DMXL2: variants seen among roughly 807,000 people sequenced by gnomAD.
DMXL2 encodes the protein Dmx like 2.
In DMXL2, 103 loss-of-function variants were observed where a neutral mutation model predicts 331.1. That is an observed-to-expected ratio of 0.31 (90% CI 0.27 to 0.37). DMXL2 has a LOEUF of 0.37. Ranked by LOEUF, DMXL2 falls within the 10% of genes least tolerant of loss-of-function variation. The pLI, the probability that DMXL2 is intolerant of heterozygous loss-of-function variation, is 1.00. For synonymous variants in DMXL2, 1,281 were observed against 1,252.1 expected, an observed-to-expected ratio of 1.02 and a Z score of -0.49; for missense variants, 3,171 against 3,642.9, an observed-to-expected ratio of 0.87 and a Z score of 3.33.
At chr15:51,550,079 T>C (rs572810629) in intron 6 of DMXL2, among the ~76,000 whole-genome samples, 5 of 152,294 alleles carry the variant, frequency 3.3e-5, no homozygotes, top group African/African-American at 9.6e-5. Flanking sequence ...TTGTCTACCA[T>C]GATCAAGTAA....
chr15:51,612,481 G>T (rs757822952), intron 1 of DMXL2, among the ~76,000 whole-genome samples: 12 of 152,128 alleles, frequency 7.9e-5, no homozygotes, highest in South Asian at 2.1e-4. Flanking sequence ...GTACAAAAGA[G>T]AAATTTTAAA....
chr15:51,506,450 CTTTTTTTTTTT>C (rs531570148), intron 16 of DMXL2, among the ~76,000 whole-genome samples: 9 of 121,956 alleles, frequency 7.4e-5, no homozygotes, highest in Non-Finnish European at 1.5e-4. Context: ...AGCAATTCTG[CTTTTTTTTTTT>C]TTTTTTTTTT....
chr15:51,605,195 AC>A (rs1382658435), intron 1 of DMXL2, among the ~76,000 whole-genome samples: 2 of 152,118 alleles, frequency 1.3e-5, no homozygotes, highest in African/African-American at 4.8e-5. Flanking sequence ...GGGGAAAAAA[AC>A]ATATAAATAT....
chr15:51,566,660 A>G (rs907788832), intron 3 of DMXL2, among the ~76,000 whole-genome samples: 4 of 152,160 alleles, frequency 2.6e-5, no homozygotes, highest in African/African-American at 9.7e-5. Context: ...GTTTTGGGGG[A>G]ATGTAAAAAG....
intron 18 of DMXL2, among the ~76,000 whole-genome samples, chr15:51,498,030 C>T (rs941346964): frequency 1.3e-5 from 2 of 152,054 alleles, no homozygotes; most frequent in Admixed American, 1.3e-4. Flanking sequence ...CTCAGGAATT[C>T]GAGACTAGCT....
At chr15:51,542,284 A>T (rs778084121) in intron 9 of DMXL2, 49 bp downstream of exon 9, 1 of 1,550,396 alleles carries the variant, frequency 6.4e-7, no homozygotes, top group Non-Finnish European at 8.8e-7. Flanking sequence ...TTTTCTATTT[A>T]TTTACCTGAC....
chr15:51,530,400 C>A (rs1423697202), intron 13 of DMXL2, among the ~76,000 whole-genome samples: 4 of 152,080 alleles, frequency 2.6e-5, no homozygotes, highest in African/African-American at 7.2e-5. Context: ...AATCAACATA[C>A]AAATACCAGT....
chr15:51,491,664 C>T lies in DMXL2; in HGVS notation c.4867G>A (p.Gly1623Arg), dbSNP rs1567022147. Residue 1623 changes from glycine to arginine, a missense_variant, in exon 20 of 44, where the codon GGG becomes AGG. By Grantham distance (125) the Gly-to-Arg change is moderately radical. Around this residue, in one of 7 missense-constraint regions of DMXL2, gnomAD observed 252 missense variants for 387.4 expected, o/e 0.65. Coordinates refer to ENST00000560891, the MANE Select transcript of DMXL2 (RefSeq NM_001378457.1). ...CTTAATTCAGACCACTGGGGGTCCC[C>T]TCTCTGAATTGCTGGAATCATATTA... Reference protein sequence around the residue: ...LINMIPAIQRGDPQWSELRAM... With the variant: ...LINMIPAIQRRDPQWSELRAM... 6.2e-7 allele frequency: 1 copy of T among 1,613,700 alleles called. No homozygotes were observed. The highest frequency in any genetic ancestry group is 2.2e-5 in the East Asian group (1 of 44,852).
chr15:51,532,398 T>G (rs1202378569), intron 13 of DMXL2, among the ~76,000 whole-genome samples: 1 of 152,110 alleles, frequency 6.6e-6, no homozygotes, highest in Non-Finnish European at 1.5e-5. Context: ...CGTAAGGGAT[T>G]GGCAGGGAGG....
chr15:51,535,518 A>C (rs1480812094), intron 13 of DMXL2, 145 bp downstream of exon 13: 1 of 621,258 alleles, frequency 1.6e-6, no homozygotes, highest in Non-Finnish European at 2.5e-6. Context: ...TTAGGAAAAA[A>C]TAAATGTGTC....
chr15:51,603,253 G>C (rs1193672641), intron 1 of DMXL2, among the ~76,000 whole-genome samples: 3 of 152,026 alleles, frequency 2.0e-5, no homozygotes, highest in African/African-American at 7.2e-5. Flanking sequence ...CCAATATCAA[G>C]AATAAAAGAG....
intron 1 of DMXL2, among the ~76,000 whole-genome samples, chr15:51,583,386 T>C (rs1423776484): frequency 1.2e-5 from 1 of 80,936 alleles, no homozygotes; most frequent in African/African-American, 4.6e-5. Flanking sequence ...GTTTGGTTTT[T>C]TGTTCTTGCG....
At chr15:51,512,535 G>T (rs2046817188) in intron 15 of DMXL2, among the ~76,000 whole-genome samples, 1 of 152,196 alleles carries the variant, frequency 6.6e-6, no homozygotes, top group African/African-American at 2.4e-5. Context: ...GGGGGGCCAG[G>T]CGTAGTGGCT....
At chr15:51,491,181 C>T (rs2042767550) in intron 20 of DMXL2, among the ~76,000 whole-genome samples, 2 of 152,184 alleles carry the variant, frequency 1.3e-5, no homozygotes. Context: ...TGGCTCATGC[C>T]TGTAATCCCA....
At chr15:51,475,345 T>C (rs2041482877) in intron 27 of DMXL2, among the ~76,000 whole-genome samples, 1 of 151,992 alleles carries the variant, frequency 6.6e-6, no homozygotes, top group South Asian at 2.1e-4. Context: ...TACAAAATAA[T>C]TAGCCGGTCA....
intron 8 of DMXL2, among the ~76,000 whole-genome samples, chr15:51,544,410 C>T (rs1317299451): frequency 2.0e-5 from 3 of 152,170 alleles, no homozygotes; most frequent in African/African-American, 4.8e-5. Context: ...TCCCTGTGGC[C>T]TCCCTAGAAG....
chr15:51,573,032 A>T (rs2141111298), intron 2 of DMXL2, among the ~76,000 whole-genome samples: 1 of 152,336 alleles, frequency 6.6e-6, no homozygotes, highest in East Asian at 1.9e-4. Context: ...TATATTTAGA[A>T]AACCCCATTG....
intron 3 of DMXL2, among the ~76,000 whole-genome samples, chr15:51,565,840 T>C (rs1018121878): frequency 2.0e-5 from 3 of 152,232 alleles, no homozygotes; most frequent in African/African-American, 7.2e-5. Context: ...CAAATAATAC[T>C]GTTTAAACGG....
intron 17 of DMXL2, among the ~76,000 whole-genome samples, chr15:51,502,142 G>A (rs901224448): frequency 6.8e-6 from 1 of 146,702 alleles, no homozygotes; most frequent in African/African-American, 2.5e-5. Flanking sequence ...TGAGGCAGGA[G>A]AATGGGTGTG....
Sources: allele counts gnomAD v4.1 joint callset (sites outside exome capture counted in the v4.1 genomes callset), GRCh38; gene constraint gnomAD v4.1.1; regional missense constraint gnomAD v4.1.1; transcripts MANE v1.5; gene names NCBI Gene and HGNC (gene_info 2026-07-23, HGNC 2026-07-21).